The following NUP54 variants were observed in gnomAD, a reference collection of about 807,000 sequenced individuals.
The protein encoded by NUP54 is nucleoporin p54.
A neutral mutation model predicts 66.4 loss-of-function variants in NUP54; 27 were observed. That is an observed-to-expected ratio of 0.41 (90% CI 0.30 to 0.56). NUP54 has a LOEUF of 0.56. Among genes scored for constraint, NUP54 ranks in the 20% least tolerant of loss-of-function variants. The pLI is 0.34. For synonymous variants in NUP54, 206 were observed against 210.7 expected (o/e 0.98, Z 0.19); for missense variants, 486 against 596.3 (o/e 0.82, Z 1.93).
chr4:76,135,361 A>G (rs532035002), intron 4 of NUP54, among the ~76,000 whole-genome samples: 1 of 152,362 alleles, frequency 6.6e-6, no homozygotes, highest in South Asian at 2.1e-4. Flanking sequence ...TATGCATTTT[A>G]CCATGTTATA....
rs766855845 is a variant in NUP54 at position 76,115,350 on chromosome 4, A to G, written c.*16T>C. On this transcript the variant is annotated 3_prime_UTR_variant, in exon 12 of 12. Coordinates refer to ENST00000264883, the MANE Select transcript of NUP54 (RefSeq NM_017426.4). The stretch of plus-strand genomic sequence containing the variant: ...GAAGATGCATTTCACAAACCTTTAC[A>G]CAAGTTTGTGAACTGTCAACTAAAG... 5.7e-6 allele frequency: 9 copies of G among 1,570,072 alleles called. No homozygotes were observed. The East Asian group carries it at 9.4e-5, about 16-fold the overall frequency.
intron 1 of NUP54, among the ~76,000 whole-genome samples, chr4:76,147,024 TA>T (rs912010728): frequency 1.1e-4 from 16 of 152,230 alleles, no homozygotes; most frequent in African/African-American, 3.9e-4. Context: ...TAACACAAGT[TA>T]AAAAACAAAA....
At chr4:76,144,862 T>G (rs1390811411) in intron 1 of NUP54, among the ~76,000 whole-genome samples, 2 of 152,208 alleles carry the variant, frequency 1.3e-5, no homozygotes, top group Non-Finnish European at 2.9e-5. Context: ...AAGAGTAAAG[T>G]AGACTATGTG....
At chr4:76,132,448 A>G in intron 6 of NUP54, 75 bp downstream of exon 6, 1 of 1,138,888 alleles carries the variant, frequency 8.8e-7, no homozygotes, top group Non-Finnish European at 1.2e-6. Flanking sequence ...TAACCAACCA[A>G]CACCTCTGAA....
intron 3 of NUP54, among the ~76,000 whole-genome samples, chr4:76,140,120 G>C (rs145684111): frequency 6.6e-6 from 1 of 151,922 alleles, no homozygotes; most frequent in African/African-American, 2.4e-5. Context: ...ACTGGGGAAC[G>C]GAGTACAGCT....
chr4:76,136,495 T>C lies in NUP54; in HGVS notation c.296-83A>G. 5.9e-6 allele frequency: 6 copies of C among 1,020,446 alleles called. No homozygotes were observed. In the South Asian group the frequency reaches 8.8e-5, roughly 15 times the overall value. The allele number at this position is 1,020,446 out of a possible 1,614,324, so 63.2% of individuals were successfully genotyped here. ...ATCCTAGGCGTGGTAGGCAAAATAA[T>C]GGCCCCCTCCAAGATGCCCATATCC... On this transcript the variant is annotated intron_variant, in intron 3 of 11. Transcript: ENST00000264883.
At chr4:76,145,337 A>C (rs1201374444) in intron 1 of NUP54, among the ~76,000 whole-genome samples, 1 of 146,676 alleles carries the variant, frequency 6.8e-6, no homozygotes, top group Non-Finnish European at 1.5e-5. Context: ...AAAAAAAAAA[A>C]AATTTATTGG....
chr4:76,148,255 C>T (rs1731599034), intron 1 of NUP54, 53 bp downstream of exon 1: 2 of 1,185,720 alleles, frequency 1.7e-6, no homozygotes, highest in South Asian at 2.7e-5. Context: ...ACAGAGGGGG[C>T]GGACCAGACC....
chr4:76,119,970 T>C (rs532991914), intron 9 of NUP54, among the ~76,000 whole-genome samples: 1 of 152,298 alleles, frequency 6.6e-6, no homozygotes, highest in South Asian at 2.1e-4. Flanking sequence ...AATAATTTTA[T>C]TATCAAAATC....
intron 8 of NUP54, among the ~76,000 whole-genome samples, chr4:76,129,746 T>TC (rs967648261): frequency 9.3e-5 from 14 of 150,770 alleles, no homozygotes; most frequent in Middle Eastern, 3.4e-3. Context: ...GCGCCTGTAG[T>TC]CCCAGCTACT....
At chr4:76,128,745 T>C (rs1730651548) in intron 8 of NUP54, among the ~76,000 whole-genome samples, 1 of 152,162 alleles carries the variant, frequency 6.6e-6, no homozygotes, top group Non-Finnish European at 1.5e-5. Context: ...AGAATACTAT[T>C]TAATCATGAA....
chr4:76,148,230 G>A, intron 1 of NUP54, 78 bp downstream of exon 1: 4 of 1,021,806 alleles, frequency 3.9e-6, no homozygotes, highest in Non-Finnish European at 5.2e-6. Context: ...GGATCCCCAG[G>A]TCGGAGAGTC....
At chr4:76,143,536 G>A (rs1179103725) in intron 3 of NUP54, among the ~76,000 whole-genome samples, 8 of 152,150 alleles carry the variant, frequency 5.3e-5, no homozygotes, top group East Asian at 1.9e-4. Flanking sequence ...CCTGGGAGGC[G>A]GAGGTTGCAG....
chr4:76,144,438 C>G lies in NUP54; in HGVS notation c.103G>C (p.Ala35Pro). Residue 35 changes from alanine to proline, a missense_variant, in exon 2 of 12, where the codon GCA (alanine) becomes CCA (proline). This residue lies in a region of NUP54 where 145 missense variants were observed against 137.1 expected (regional missense o/e 1.06). Coordinates refer to ENST00000264883, the MANE Select transcript of NUP54 (RefSeq NM_017426.4). ...GCAGAAAAGCTGAATGCAGAACCTG[C>G]AGTTGTAGATGTTGTCCCAAATCCT... ...FGGFGTTSTTAGSAFSFSAPT... is the reference protein window; with the variant it reads ...FGGFGTTSTTPGSAFSFSAPT... The G allele has an allele frequency of 6.2e-7, 1 of 1,608,148 alleles. No homozygotes were observed. Among genetic ancestry groups the G allele is most frequent in the East Asian group, 2.2e-5 (1 of 44,852 alleles).
At chr4:76,142,158 C>T (rs760722547) in intron 3 of NUP54, among the ~76,000 whole-genome samples, 18 of 152,250 alleles carry the variant, frequency 1.2e-4, no homozygotes, top group Non-Finnish European at 2.1e-4. Flanking sequence ...TACAGTTACT[C>T]ATAGTTGGAG....
At chr4:76,134,593 CTT>C (rs67283578) in intron 4 of NUP54, among the ~76,000 whole-genome samples, 19,950 of 151,944 alleles carry the variant, frequency 0.13, 1,516 homozygotes, top group East Asian at 0.34. Flanking sequence ...AACATTTCCT[CTT>C]TGAGAGAGTA....
intron 3 of NUP54, among the ~76,000 whole-genome samples, chr4:76,139,532 C>T (rs921574816): frequency 2.0e-5 from 3 of 152,144 alleles, no homozygotes; most frequent in African/African-American, 7.2e-5. Context: ...GGGGAATTCT[C>T]TACACTAAAA....
intron 8 of NUP54, among the ~76,000 whole-genome samples, chr4:76,125,342 A>ACGCGCGCGCG (rs559582443): frequency 6.7e-6 from 1 of 149,718 alleles, no homozygotes; most frequent in South Asian, 2.1e-4. Context: ...ACACACACAC[A>ACGCGCGCGCG]CACACACACG....
intron 5 of NUP54, 131 bp downstream of exon 5, chr4:76,134,044 A>C: frequency 1.6e-6 from 1 of 623,970 alleles, no homozygotes; most frequent in African/African-American, 1.9e-5. Context: ...AATACTGAAT[A>C]ATCACTAGCT....
Sources: gnomAD v4.1 joint callset for allele counts (sites outside exome capture counted in the v4.1 genomes callset) on GRCh38, gnomAD v4.1.1 for gene constraint, gnomAD v4.1.1 regional missense constraint, MANE v1.5 for transcripts, NCBI Gene and HGNC (gene_info 2026-07-23, HGNC 2026-07-21) for gene names.